SLC3A1: variants seen among roughly 807,000 people sequenced by gnomAD.
The protein encoded by SLC3A1 is amino acid transporter heavy chain SLC3A1.
Under a neutral mutation model 60.3 loss-of-function variants are expected in SLC3A1, and 78 were observed. The observed-to-expected ratio is 1.29, with a 90% confidence interval of 1.08 to 1.56. The LOEUF (loss-of-function observed/expected upper bound fraction) is 1.56, where lower values mean the gene tolerates loss of function less well. Among genes scored for constraint, SLC3A1 ranks in the 40% most tolerant of loss-of-function variants. The probability of loss-of-function intolerance (pLI) is 0.00; values close to 1 mark genes in which losing one functional copy is unlikely to be tolerated. For synonymous variants in SLC3A1, 392 were observed against 307.9 expected (o/e 1.27, Z -2.86); for missense variants, 1,172 against 858.9 (o/e 1.36, Z -4.56).
intron 6 of SLC3A1, 80 bp from the exon 7 acceptor site, chr2:44,304,063 A>C (rs1251028980): frequency 4.8e-6 from 5 of 1,044,524 alleles, no homozygotes; most frequent in Non-Finnish European, 6.1e-6. Flanking sequence ...CATCTTGTAC[A>C]TGCAAGATAA....
At chr2:44,318,221 G>A (rs762726749) in intron 9 of SLC3A1, 5 of 376,164 alleles carry the variant, frequency 1.3e-5, no homozygotes, top group South Asian at 7.4e-5. Flanking sequence ...CTCCCAAGTA[G>A]CTGGGATTAC....
intron 1 of SLC3A1, 51 bp downstream of exon 1, chr2:44,276,016 T>C: frequency 1.3e-6 from 2 of 1,560,444 alleles, no homozygotes; most frequent in Non-Finnish European, 8.8e-7. Context: ...GATTGGTTTA[T>C]GGTTCTTTTG....
At chr2:44,298,433 C>A in intron 4 of SLC3A1, among the ~76,000 whole-genome samples, 1 of 152,118 alleles carries the variant, frequency 6.6e-6, no homozygotes, top group African/African-American at 2.4e-5. Context: ...GGCTGGAGTG[C>A]AGTGGCATGA....
intron 4 of SLC3A1, among the ~76,000 whole-genome samples, chr2:44,290,683 C>CTTT (rs11377273): frequency 6.9e-6 from 1 of 144,246 alleles, no homozygotes; most frequent in Admixed American, 6.9e-5. Context: ...ATTTTTAAGA[C>CTTT]TTTTTTTTTT....
chr2:44,310,634 C>T (rs1380392825), intron 7 of SLC3A1, among the ~76,000 whole-genome samples: 1 of 151,838 alleles, frequency 6.6e-6, no homozygotes, highest in Non-Finnish European at 1.5e-5. Context: ...ACTTGGAGTT[C>T]ATTGAGGTTC....
chr2:44,319,940 T>G lies in SLC3A1; in HGVS notation c.1618-259T>G. 9.8e-6 allele frequency: 4 copies of G among 406,492 alleles called. No homozygotes were observed. In the South Asian group the frequency reaches 1.3e-4, roughly 13 times the overall value. The allele number at this position is 406,492 out of a possible 1,614,324, so 25.2% of individuals were successfully genotyped here. On this transcript the variant is annotated intron_variant, in intron 9 of 9. Coordinates refer to ENST00000260649, the MANE Select transcript of SLC3A1 (RefSeq NM_000341.4). The stretch of plus-strand genomic sequence containing the variant: ...TCCTAAAGTGGAGTCAAATTTGATC[T>G]CTACAGAAACTCTACAATGTAGCAG...
intron 1 of SLC3A1, among the ~76,000 whole-genome samples, chr2:44,277,102 T>TC (rs755342928): frequency 8.2e-5 from 2 of 24,300 alleles, no homozygotes; most frequent in Non-Finnish European, 2.5e-4. Flanking sequence ...TTCTCTCTCT[T>TC]CTTTTTTTTT....
chr2:44,308,325 TG>T (rs1248189587), intron 7 of SLC3A1, among the ~76,000 whole-genome samples: 1 of 152,228 alleles, frequency 6.6e-6, no homozygotes, highest in Non-Finnish European at 1.5e-5. Context: ...TTAGCTGTTC[TG>T]GGTACCTTAT....
chr2:44,304,391 CCAGTT>C (rs1250411779), intron 7 of SLC3A1, 53 bp downstream of exon 7: 9 of 1,364,906 alleles, frequency 6.6e-6, no homozygotes, highest in Non-Finnish European at 9.4e-6. Flanking sequence ...CCTTTGCTGT[CCAGTT>C]ATCTCTAAAA....
chr2:44,304,047 C>T (rs889197446), intron 6 of SLC3A1, 96 bp from the exon 7 acceptor site: 3 of 913,512 alleles, frequency 3.3e-6, no homozygotes, highest in South Asian at 1.3e-5. Flanking sequence ...GTGCATTCAG[C>T]CCCTACATCT....
intron 3 of SLC3A1, among the ~76,000 whole-genome samples, chr2:44,284,669 C>G (rs894821142): frequency 1.4e-4 from 21 of 152,060 alleles, no homozygotes; most frequent in Admixed American, 1.2e-3. Flanking sequence ...CTCAAGCAAT[C>G]CTCGCCACCT....
In SLC3A1 at chr2:44,321,442, T is replaced by C; in HGVS notation, c.*803T>C. On this transcript the variant is annotated 3_prime_UTR_variant, in exon 10 of 10. Transcript: ENST00000260649. ...TCGTACAGGAATTTAATTTGGGCTG[T>C]AATCTAAAAGAAACACATTAAAAAA... The C allele has an allele frequency of 6.2e-7, 1 of 1,612,018 alleles. No individual in the cohort carries two copies. The highest frequency in any genetic ancestry group is 1.1e-5 in the South Asian group (1 of 90,968).
At chr2:44,295,528 C>T (rs1305090973) in intron 4 of SLC3A1, among the ~76,000 whole-genome samples, 1 of 152,128 alleles carries the variant, frequency 6.6e-6, no homozygotes, top group East Asian at 1.9e-4. Context: ...CAAGAGCAAA[C>T]TTTGGATTAT....
Position 44,320,725 on chromosome 2 carries a change from T to G in SLC3A1, c.*86T>G. The G allele has an allele frequency of 9.9e-7, 1 of 1,011,674 alleles. No homozygotes were observed. Among genetic ancestry groups the G allele is most frequent in the Non-Finnish European group, 1.6e-6 (1 of 638,840 alleles). The allele number at this position is 1,011,674 out of a possible 1,614,324, so 62.7% of individuals were successfully genotyped here. On this transcript the variant is annotated 3_prime_UTR_variant, in exon 10 of 10. Transcript: ENST00000260649. ...GCTTCATGTACAGCATGCTGCTTGG[T>G]GAACAATCATTAATTCTTCGATATT... is the stretch of plus-strand genomic sequence containing the variant.
intron 9 of SLC3A1, chr2:44,318,889 C>T (rs1230367804): frequency 1.3e-5 from 2 of 152,096 alleles, no homozygotes; most frequent in Middle Eastern, 3.2e-3. Context: ...CATCTAACAG[C>T]TTCAAAATAT....
At chr2:44,321,993 A>G, downstream of SLC3A1, 1 of 1,282,572 alleles carries the variant, frequency 7.8e-7, no homozygotes, top group Non-Finnish European at 1.1e-6. Flanking sequence ...TTGAGTACTC[A>G]GTTCAAATAA....
chr2:44,306,558 T>A, intron 7 of SLC3A1, among the ~76,000 whole-genome samples: 1 of 143,612 alleles, frequency 7.0e-6, no homozygotes, highest in South Asian at 2.3e-4. Flanking sequence ...AACTTTTTTT[T>A]TTTTTTTTTT....
At chr2:44,296,911 T>C (rs1265467563) in intron 4 of SLC3A1, among the ~76,000 whole-genome samples, 1 of 152,184 alleles carries the variant, frequency 6.6e-6, no homozygotes, top group Non-Finnish European at 1.5e-5. Context: ...ACAAACTCTC[T>C]CGCCTGCTGT....
chr2:44,275,645 C>T lies in SLC3A1; in HGVS notation c.110C>T (p.Pro37Leu), dbSNP rs774095863. ...GACATTCTGGAGCAGACCCCGGATCCAGGAAGCTCAACAGACAACCTGAAG... is the reference window on the plus strand; with the variant it reads ...GACATTCTGGAGCAGACCCCGGATCTAGGAAGCTCAACAGACAACCTGAAG... Reference protein sequence around the residue: ...NEDILEQTPDPGSSTDNLKHS... With the variant: ...NEDILEQTPDLGSSTDNLKHS... The change falls in exon 1 of 10, where the codon CCA becomes CTA. Residue 37 changes from proline to leucine, a missense_variant. Physicochemically the swap from Pro to Leu is moderately conservative, Grantham distance 98. Transcript: ENST00000260649. 1 of 1,614,166 alleles carries T rather than the reference C, an allele frequency of 6.2e-7. No individual in the cohort carries two copies. Among genetic ancestry groups the T allele is most frequent in the East Asian group, 2.2e-5 (1 of 44,890 alleles).
Sources: allele counts gnomAD v4.1 joint callset (sites outside exome capture counted in the v4.1 genomes callset), GRCh38; gene constraint gnomAD v4.1.1; transcripts MANE v1.5; gene names NCBI Gene and HGNC (gene_info 2026-07-23, HGNC 2026-07-21).